COL24A1: variants seen among roughly 807,000 people sequenced by gnomAD.
The protein encoded by COL24A1 is collagen alpha-1(XXIV) chain.
A neutral mutation model predicts 253.9 loss-of-function variants in COL24A1; 224 were observed. The ratio of observed to expected loss-of-function variants is 0.88; its 90% CI spans 0.79 to 0.99. The LOEUF is 0.99. Among genes scored for constraint, COL24A1 ranks in the 50% least tolerant of loss-of-function variants. COL24A1 has a pLI of 0.00. For missense variants in COL24A1, 2,131 were observed against 2,068.5 expected (o/e 1.03, Z -0.59); for synonymous variants, 685 against 673.7 (o/e 1.02, Z -0.26).
intron 24 of COL24A1, among the ~76,000 whole-genome samples, chr1:85,948,858 T>A (rs1003417003): frequency 3.3e-5 from 5 of 151,122 alleles, no homozygotes; most frequent in African/African-American, 9.7e-5. Context: ...ATATATATAT[T>A]AAAAAAAATC....
chr1:85,832,406 T>C (rs1472546597), intron 43 of COL24A1, among the ~76,000 whole-genome samples: 4 of 151,976 alleles, frequency 2.6e-5, no homozygotes, highest in Admixed American at 2.0e-4. Flanking sequence ...CTTGGCAATG[T>C]GGGCTCTTTT....
chr1:86,132,993 C>A (rs1649524913), intron 2 of COL24A1, among the ~76,000 whole-genome samples: 1 of 135,000 alleles, frequency 7.4e-6, no homozygotes, highest in Non-Finnish European at 1.6e-5. Flanking sequence ...TTCTTCCTAC[C>A]TATGAGCACG....
chr1:85,737,860 G>A (rs368769718), intron 57 of COL24A1, among the ~76,000 whole-genome samples: 1 of 152,034 alleles, frequency 6.6e-6, no homozygotes, highest in African/African-American at 2.4e-5. Context: ...CACTGTGCCC[G>A]GCCACATCCT....
intron 57 of COL24A1, among the ~76,000 whole-genome samples, chr1:85,739,450 C>T (rs1664379979): frequency 1.3e-5 from 2 of 152,138 alleles, no homozygotes; most frequent in African/African-American, 4.8e-5. Context: ...ACTAGCTCTT[C>T]CCTGAGGACA....
At chr1:85,975,896 C>A (rs1406432860) in intron 20 of COL24A1, among the ~76,000 whole-genome samples, 2 of 152,138 alleles carry the variant, frequency 1.3e-5, no homozygotes, top group Non-Finnish European at 2.9e-5. Flanking sequence ...TTACCTAGAG[C>A]TGAAACTGAT....
At chr1:86,040,650 T>C (rs1480938952) in intron 12 of COL24A1, among the ~76,000 whole-genome samples, 3 of 151,978 alleles carry the variant, frequency 2.0e-5, no homozygotes, top group African/African-American at 4.8e-5. Context: ...GCCAACCCTG[T>C]GGTGGGGTTA....
intron 19 of COL24A1, among the ~76,000 whole-genome samples, chr1:85,989,123 T>TGG (rs1553252076): frequency 6.6e-6 from 1 of 151,770 alleles, no homozygotes; most frequent in Non-Finnish European, 1.5e-5. Context: ...TGTTTTTTTG[T>TGG]GGGGGGGATT....
At position 85,813,975 on chromosome 1, in the gene COL24A1, A is replaced by C. The variant is rs1290862487; in HGVS notation, c.3951+2813T>G. 2.0e-5 allele frequency among the ~76,000 whole-genome samples: 3 copies of C among 152,174 alleles called. No individual in the cohort carries two copies. The East Asian group carries it at 5.8e-4, about 29-fold the overall frequency. ...GGCCATGTTGACTGGTGCCAATGTC[A>C]TTGGTGGCACCCTAACTAGACTACT... On this transcript the variant is annotated intron_variant, in intron 47 of 59. Coordinates refer to ENST00000370571, the MANE Select transcript of COL24A1 (RefSeq NM_152890.7).
chr1:86,109,362 G>A (rs1328257714), intron 5 of COL24A1, among the ~76,000 whole-genome samples: 1 of 150,420 alleles, frequency 6.6e-6, no homozygotes, highest in African/African-American at 2.4e-5. Context: ...CTTGTTATAT[G>A]CTATTATTAC....
chr1:86,136,032 C>G (rs1003545920), intron 2 of COL24A1, among the ~76,000 whole-genome samples: 30 of 152,040 alleles, frequency 2.0e-4, no homozygotes, highest in Admixed American at 1.3e-3. Flanking sequence ...TCTAGCCCCA[C>G]CTTCTTCTCT....
chr1:86,105,282 G>C (rs1367369784), intron 5 of COL24A1, among the ~76,000 whole-genome samples: 2 of 152,202 alleles, frequency 1.3e-5, no homozygotes, highest in East Asian at 1.9e-4. Flanking sequence ...GAACAAGGAA[G>C]GCAAGATCTG....
Position 85,893,379 on chromosome 1 carries a change from G to T in COL24A1, c.2922+2479C>A, listed in dbSNP as rs185609419. ...ACAATAGAATTTAAAAATACATAAA[G>T]AAAAATTAGAAAGAATTAAAGGGAG... On this transcript the variant is annotated intron_variant, in intron 31 of 59. Coordinates refer to ENST00000370571, the MANE Select transcript of COL24A1 (RefSeq NM_152890.7). Among the ~76,000 whole-genome samples the T allele has an allele frequency of 4.3e-3, 652 of 151,798 alleles. 1 individual carries two copies. Among genetic ancestry groups the T allele is most frequent in the Non-Finnish European group, 7.6e-3 (518 of 67,850 alleles).
At chr1:85,796,460 G>T (rs967919608) in intron 47 of COL24A1, among the ~76,000 whole-genome samples, 1 of 152,122 alleles carries the variant, frequency 6.6e-6, no homozygotes, top group African/African-American at 2.4e-5. Flanking sequence ...TTGACTCTTA[G>T]ATATGTCTGG....
chr1:85,739,230 C>T (rs1378723626), intron 57 of COL24A1, among the ~76,000 whole-genome samples: 2 of 152,204 alleles, frequency 1.3e-5, no homozygotes, highest in South Asian at 2.1e-4. Flanking sequence ...AAATACTATC[C>T]TACTACTATA....
chr1:85,993,724 T>C (rs190725634), intron 19 of COL24A1, among the ~76,000 whole-genome samples: 7 of 152,176 alleles, frequency 4.6e-5, no homozygotes, highest in Non-Finnish European at 8.8e-5. Flanking sequence ...ATGTCAATTA[T>C]ACCTCAATGA....
At chr1:85,898,956 A>G (rs981217238) in intron 28 of COL24A1, among the ~76,000 whole-genome samples, 4 of 152,178 alleles carry the variant, frequency 2.6e-5, no homozygotes, top group Admixed American at 1.3e-4. Context: ...CTGTAGCAGA[A>G]AAAACAGCAA....
chr1:85,861,915 A>C (rs1451112507), intron 37 of COL24A1, among the ~76,000 whole-genome samples: 1 of 151,770 alleles, frequency 6.6e-6, no homozygotes, highest in Non-Finnish European at 1.5e-5. Flanking sequence ...TACTCAGCTC[A>C]TTCTCACCTC....
At chr1:86,065,702 G>C (rs566434228) in intron 7 of COL24A1, among the ~76,000 whole-genome samples, 1 of 150,204 alleles carries the variant, frequency 6.7e-6, no homozygotes, top group African/African-American at 2.5e-5. Flanking sequence ...GCTGAGGTGG[G>C]AGGGTTGCTT....
At chr1:85,865,967 G>T (rs1343769225) in intron 37 of COL24A1, among the ~76,000 whole-genome samples, 2 of 152,164 alleles carry the variant, frequency 1.3e-5, no homozygotes, top group Non-Finnish European at 2.9e-5. Flanking sequence ...AGAAAATAAA[G>T]AAATTTCTTT....
Sources: gnomAD v4.1 joint callset for allele counts (sites outside exome capture counted in the v4.1 genomes callset) on GRCh38, gnomAD v4.1.1 for gene constraint, MANE v1.5 for transcripts, NCBI Gene and HGNC (gene_info 2026-07-23, HGNC 2026-07-21) for gene names.